The following S1PR3 variants were observed in gnomAD, a reference collection of about 807,000 sequenced individuals.
The protein encoded by S1PR3 is sphingosine 1-phosphate receptor 3.
In S1PR3, 12 loss-of-function variants were observed where a neutral mutation model predicts 13.3. The ratio of observed to expected loss-of-function variants is 0.90; its 90% confidence interval spans 0.58 to 1.46. S1PR3 has a LOEUF of 1.46. Ranked by LOEUF, S1PR3 falls within the 40% of genes most tolerant of loss-of-function variation. The probability of loss-of-function intolerance (pLI) is 0.00; values close to 1 mark genes in which losing one functional copy is unlikely to be tolerated. For missense variants in S1PR3, 450 were observed against 501.9 expected (o/e 0.90, Z 0.99); for synonymous variants, 232 against 214.0 (o/e 1.08, Z -0.73).
intron 1 of S1PR3, chr9:89,000,290 G>A (rs967481632): frequency 6.6e-6 from 1 of 152,204 alleles, no homozygotes; most frequent in Admixed American, 6.5e-5. Context: ...GATATTCAGG[G>A]CTCTGAATTT....
At chr9:88,992,680 A>G (rs1415205807) in intron 1 of S1PR3, 1 of 152,384 alleles carries the variant, frequency 6.6e-6, no homozygotes, top group Non-Finnish European at 1.5e-5. Context: ...CCTAGAAAGT[A>G]CAAGGGAAGG....
At chr9:88,999,316 G>A (rs1825842498) in intron 1 of S1PR3, 1 of 151,992 alleles carries the variant, frequency 6.6e-6, no homozygotes, top group Non-Finnish European at 1.5e-5. Flanking sequence ...AAAAATCTTT[G>A]CAAAGAAGCA....
chr9:88,991,463 C>T (rs1463831619), upstream of S1PR3: 1 of 1,546,490 alleles, frequency 6.5e-7, no homozygotes, highest in East Asian at 2.5e-5. The surrounding 1 kb of genome is among the most constrained non-coding windows in gnomAD (Gnocchi z 4.0). Context: ...CTGACTCGCT[C>T]GGGCAGAGGC....
At chr9:88,998,180 T>G (rs961129051) in intron 1 of S1PR3, 2 of 152,016 alleles carry the variant, frequency 1.3e-5, no homozygotes, top group African/African-American at 2.4e-5. Context: ...AAGAAAGAAA[T>G]AATAAGCAAT....
At position 89,001,372 on chromosome 9, in the gene S1PR3, C is replaced by A; in HGVS notation, c.172C>A (p.Leu58Met). ...VICSFIVLEN[L>M]MVLIAIWKNN... is the part of the protein sequence containing the mutation. ...CTGCAGCTTCATCGTCTTGGAGAAC[C>A]TGATGGTTTTGATTGCCATCTGGAA... The change falls in exon 2 of 2, where the codon CTG becomes ATG. Residue 58 changes from leucine to methionine, a missense_variant. Physicochemically the swap from Leu to Met is conservative, Grantham distance 15. Coordinates refer to ENST00000358157, the MANE Select transcript of S1PR3 (RefSeq NM_005226.4). The A allele has an allele frequency of 6.2e-7, 1 of 1,614,216 alleles. No homozygotes were observed. Among genetic ancestry groups the A allele is most frequent in the Non-Finnish European group, 8.5e-7 (1 of 1,180,034 alleles).
intron 1 of S1PR3, chr9:88,993,456 C>T (rs1393573835): frequency 1.3e-5 from 2 of 152,220 alleles, no homozygotes; most frequent in Non-Finnish European, 2.9e-5. Flanking sequence ...GGCCGCCAGC[C>T]TTATGCAGTC....
At position 88,991,785 on chromosome 9, in the gene S1PR3, CG is replaced by C; in HGVS notation, c.-148+93del. Reference sequence around the variant, plus strand: ...TTTCCAACAAAATCCCCACCGATCCCGGGCGCGACGGGGACTTGGGCGCGCC... The same window carrying C: ...TTTCCAACAAAATCCCCACCGATCCCGGCGCGACGGGGACTTGGGCGCGCC... On this transcript the variant is annotated intron_variant, in intron 1 of 1. Transcript: ENST00000358157. The surrounding 1 kb of genome is among the most constrained non-coding windows in gnomAD (Gnocchi z 4.0). 2 of 1,591,982 alleles carry C rather than the reference CG, an allele frequency of 1.3e-6. No homozygotes were observed. The highest frequency in any genetic ancestry group is 1.7e-6 in the Non-Finnish European group (2 of 1,168,890).
intron 1 of S1PR3, chr9:88,994,215 G>T (rs1825768574): frequency 6.0e-6 from 1 of 167,116 alleles, no homozygotes; most frequent in Non-Finnish European, 1.5e-5. Flanking sequence ...CCAGCTCTGT[G>T]ACTAAGGACA....
At position 88,991,757 on chromosome 9, in the gene S1PR3, A is replaced by G. The variant is rs1413252769; in HGVS notation, c.-148+62A>G. 1 of 1,558,300 alleles carries G rather than the reference A, an allele frequency of 6.4e-7. No homozygotes were observed. Among genetic ancestry groups the G allele is most frequent in the South Asian group, 1.2e-5 (1 of 85,218 alleles). On this transcript the variant is annotated intron_variant, in intron 1 of 1. Coordinates refer to ENST00000358157, the MANE Select transcript of S1PR3 (RefSeq NM_005226.4). This position sits in a 1 kb window ranked among gnomAD's most constrained non-coding sequence, Gnocchi z 4.0. The stretch of plus-strand genomic sequence containing the variant: ...TGGGGGGCTGGGGGCCGAAGGACCC[A>G]CCTTTCCAACAAAATCCCCACCGAT...
At chr9:88,998,592 A>T (rs569603196) in intron 1 of S1PR3, 2 of 152,256 alleles carry the variant, frequency 1.3e-5, no homozygotes, top group Non-Finnish European at 2.9e-5. Flanking sequence ...ACCCATGGTG[A>T]AAGTCCCTGT....
chr9:89,001,614 G>A lies in S1PR3; in HGVS notation c.414G>A (p.Leu138=). ...SLLAIAIERH[L]TMIKMRPYDA... is the part of the protein sequence containing the mutation. ...TGGCCATCGCCATCGAGCGGCACTT[G>A]ACAATGATCAAAATGAGGCCTTACG... The change falls in exon 2 of 2, where the codon TTG becomes TTA. Residue 138 remains leucine (L), a synonymous_variant. Coordinates refer to ENST00000358157, the MANE Select transcript of S1PR3 (RefSeq NM_005226.4). 1 of 1,614,216 alleles carries A rather than the reference G, an allele frequency of 6.2e-7. No individual in the cohort carries two copies. The highest frequency in any genetic ancestry group is 8.5e-7 in the Non-Finnish European group (1 of 1,180,050).
chr9:88,997,279 T>A (rs898305231), intron 1 of S1PR3: 7 of 152,152 alleles, frequency 4.6e-5, no homozygotes, highest in African/African-American at 1.7e-4. Context: ...TATACTATGT[T>A]TATTGGGGTT....
chr9:89,001,090 G>T lies in S1PR3; in HGVS notation c.-111G>T. ...CAACGCCCTCGCTGGAGTCTGGCCT[G>T]CACGCCTTGCTGAATGAAGCCGGAA... On this transcript the variant is annotated 5_prime_UTR_variant, in exon 2 of 2. Coordinates refer to ENST00000358157, the MANE Select transcript of S1PR3 (RefSeq NM_005226.4). 7.8e-7 allele frequency: 1 copy of T among 1,273,922 alleles called. No individual in the cohort carries two copies. The highest frequency in any genetic ancestry group is 1.1e-6 in the Non-Finnish European group (1 of 910,266). The allele number at this position is 1,273,922 out of a possible 1,614,324, so 78.9% of individuals were successfully genotyped here.
At chr9:88,990,894 A>C (rs1825680292), upstream of S1PR3, 7 of 1,429,942 alleles carry the variant, frequency 4.9e-6, no homozygotes, top group South Asian at 2.6e-5. Flanking sequence ...CAGGCGCCGG[A>C]GGGGACCCGC....
intron 1 of S1PR3, chr9:88,993,017 C>T (rs1273306615): frequency 6.6e-6 from 1 of 152,578 alleles, no homozygotes; most frequent in Non-Finnish European, 1.5e-5. Flanking sequence ...AAGAGCCTCC[C>T]CCTAAGATTT....
intron 1 of S1PR3, chr9:89,000,081 T>C (rs977611005): frequency 2.6e-5 from 4 of 152,116 alleles, no homozygotes; most frequent in African/African-American, 9.7e-5. Context: ...ACCTTGATAG[T>C]TGGGTGTGTG....
rs955929215 is a variant in S1PR3, at chr9:88,991,621, A to G, written c.-222A>G. 2.0e-5 allele frequency: 30 copies of G among 1,536,922 alleles called. No individual in the cohort carries two copies. The Admixed American group carries it at 2.8e-4, about 14-fold the overall frequency. On this transcript the variant is annotated 5_prime_UTR_variant, in exon 1 of 2. Coordinates refer to ENST00000358157, the MANE Select transcript of S1PR3 (RefSeq NM_005226.4). The surrounding 1 kb of genome is among the most constrained non-coding windows in gnomAD (Gnocchi z 4.0). ...CCCAGCCCATCTGGCATTCGAGCGC[A>G]GGACCGGGCGCCCCGGCACCGCCGC...
chr9:88,994,937 T>C (rs1252205615), intron 1 of S1PR3: 1 of 167,102 alleles, frequency 6.0e-6, no homozygotes, highest in Non-Finnish European at 1.5e-5. Context: ...GTGTGAAGCA[T>C]GCATTTTGCA....
Position 89,002,291 on chromosome 9 carries a change from T to C in S1PR3, c.1091T>C (p.Ile364Thr). The change falls in exon 2 of 2, where the codon ATC becomes ACC. Residue 364 changes from isoleucine to threonine, a missense_variant. By Grantham distance (89) the Ile-to-Thr change is moderately conservative. Coordinates refer to ENST00000358157, the MANE Select transcript of S1PR3 (RefSeq NM_005226.4). The stretch of plus-strand genomic sequence containing the variant: ...CCCCACACAGCCCCCTCATCCTGCA[T>C]CATGGACAAGAACGCAGCACTTCAG... ...DLPHTAPSSC[I>T]MDKNAALQNG... The C allele has an allele frequency of 6.2e-7, 1 of 1,614,072 alleles. No individual in the cohort carries two copies. The highest frequency in any genetic ancestry group is 8.5e-7 in the Non-Finnish European group (1 of 1,180,014).
Sources: gnomAD v4.1 joint callset for allele counts on GRCh38, gnomAD v4.1.1 for gene constraint, Gnocchi (gnomAD v3.1) non-coding constraint, MANE v1.5 for transcripts, NCBI Gene and HGNC (gene_info 2026-07-23, HGNC 2026-07-21) for gene names.